The following EEFSEC variants were observed in gnomAD, a reference collection of about 807,000 sequenced individuals.
EEFSEC encodes eukaryotic elongation factor, selenocysteine-tRNA specific.
In EEFSEC, 43 loss-of-function variants were observed where a neutral mutation model predicts 42.1. The ratio of observed to expected loss-of-function variants is 1.02; its 90% confidence interval spans 0.80 to 1.32. The LOEUF (loss-of-function observed/expected upper bound fraction) is 1.32. Ranked by LOEUF, EEFSEC falls within the 40% of genes most tolerant of loss-of-function variation. The pLI is 0.00. For missense variants in EEFSEC, 745 were observed against 803.6 expected, an observed-to-expected ratio of 0.93 and a Z score of 0.88; for synonymous variants, 354 against 339.1, an observed-to-expected ratio of 1.04 and a Z score of -0.48.
chr3:128,307,895 G>A (rs904212372), intron 4 of EEFSEC, among the ~76,000 whole-genome samples: 25 of 152,276 alleles, frequency 1.6e-4, no homozygotes, highest in African/African-American at 2.9e-4. Flanking sequence ...TTGATTGTGC[G>A]CTCTCCCTGT....
chr3:128,236,936 C>G (rs2066018429), intron 1 of EEFSEC, among the ~76,000 whole-genome samples: 1 of 152,246 alleles, frequency 6.6e-6, no homozygotes, highest in Non-Finnish European at 1.5e-5. Context: ...TTGCTCTACC[C>G]TACTGGACTG....
At chr3:128,169,315 G>A (rs1245595465) in intron 1 of EEFSEC, among the ~76,000 whole-genome samples, 1 of 152,198 alleles carries the variant, frequency 6.6e-6, no homozygotes, top group Non-Finnish European at 1.5e-5. Context: ...CATCTCCTGG[G>A]GCTAGCTACG....
chr3:128,381,919 C>A (rs1276334107), intron 6 of EEFSEC, among the ~76,000 whole-genome samples: 2 of 152,164 alleles, frequency 1.3e-5, no homozygotes, highest in Non-Finnish European at 2.9e-5. Flanking sequence ...GTGGCTGGGG[C>A]AGCAGGGAGC....
At chr3:128,225,985 A>C (rs766312921) in intron 1 of EEFSEC, among the ~76,000 whole-genome samples, 3 of 152,120 alleles carry the variant, frequency 2.0e-5, no homozygotes, top group Non-Finnish European at 4.4e-5. Flanking sequence ...AGTTGAAGAG[A>C]CTCAGTTCAT....
intron 2 of EEFSEC, among the ~76,000 whole-genome samples, chr3:128,260,612 G>A (rs1360451963): frequency 6.6e-6 from 1 of 152,188 alleles, no homozygotes; most frequent in African/African-American, 2.4e-5. Context: ...TGGAAGAAGG[G>A]CTTTGAAGGA....
intron 1 of EEFSEC, among the ~76,000 whole-genome samples, chr3:128,185,518 A>G (rs2065456864): frequency 6.6e-6 from 1 of 151,862 alleles, no homozygotes; most frequent in African/African-American, 2.4e-5. Context: ...AAATGGAATT[A>G]TATATACTTT....
chr3:128,236,004 G>A (rs181070526), intron 1 of EEFSEC, among the ~76,000 whole-genome samples: 4 of 151,950 alleles, frequency 2.6e-5, no homozygotes, highest in East Asian at 1.9e-4. Flanking sequence ...TCACTTTTTC[G>A]CCCAGGCTGG....
At position 128,408,604 on chromosome 3, in the gene EEFSEC, TTGA is replaced by T; in HGVS notation, c.*348_*350del. ...AACCCTCCCCCAGGTGGGCAGGCAC[TTGA>T]TGGCTACAAATAAATGTCCCGTGGC... On this transcript the variant is annotated 3_prime_UTR_variant, in exon 7 of 7. Coordinates refer to ENST00000254730, the MANE Select transcript of EEFSEC (RefSeq NM_021937.5). The T allele has an allele frequency of 4.3e-6, 1 of 232,984 alleles. No homozygotes were observed. The highest frequency in any genetic ancestry group is 8.3e-6 in the Non-Finnish European group (1 of 120,354). The allele number at this position is 232,984 out of a possible 1,614,324, so 14.4% of individuals were successfully genotyped here.
At chr3:128,328,077 A>G (rs1409021998) in intron 4 of EEFSEC, among the ~76,000 whole-genome samples, 1 of 152,158 alleles carries the variant, frequency 6.6e-6, no homozygotes, top group African/African-American at 2.4e-5. Context: ...GCCTCCTTCA[A>G]TTTTCACAGA....
intron 6 of EEFSEC, among the ~76,000 whole-genome samples, chr3:128,398,874 G>A (rs1348130414): frequency 6.6e-6 from 1 of 152,164 alleles, no homozygotes; most frequent in Non-Finnish European, 1.5e-5. Flanking sequence ...CAGAGGGGTA[G>A]GCTGAGACTC....
chr3:128,296,676 A>G (rs1267475440), intron 4 of EEFSEC, among the ~76,000 whole-genome samples: 1 of 151,992 alleles, frequency 6.6e-6, no homozygotes, highest in Admixed American at 6.6e-5. Context: ...CGCTACACAC[A>G]TATGCCCCTC....
intron 6 of EEFSEC, among the ~76,000 whole-genome samples, chr3:128,400,110 G>A (rs974828563): frequency 6.6e-6 from 1 of 152,142 alleles, no homozygotes; most frequent in Non-Finnish European, 1.5e-5. Context: ...CCTGGCCTTG[G>A]GGGCAGCTCC....
At chr3:128,333,644 A>G (rs1038076395) in intron 4 of EEFSEC, among the ~76,000 whole-genome samples, 1 of 152,224 alleles carries the variant, frequency 6.6e-6, no homozygotes, top group African/African-American at 2.4e-5. Flanking sequence ...TCCATCTTCC[A>G]TATCGGCCCT....
At chr3:128,224,554 C>G (rs1050775430) in intron 1 of EEFSEC, among the ~76,000 whole-genome samples, 9 of 152,128 alleles carry the variant, frequency 5.9e-5, no homozygotes, top group Admixed American at 2.0e-4. Context: ...ATTCATGTAC[C>G]CATCAGGCAG....
chr3:128,407,910 C>G (rs1030781090), intron 6 of EEFSEC, among the ~76,000 whole-genome samples, 159 bp from the exon 7 acceptor site: 1 of 152,120 alleles, frequency 6.6e-6, no homozygotes, highest in Non-Finnish European at 1.5e-5. Flanking sequence ...AGATGGGTGC[C>G]GGAGGGACCA....
chr3:128,182,627 G>C (rs566025429), intron 1 of EEFSEC, among the ~76,000 whole-genome samples: 2 of 152,078 alleles, frequency 1.3e-5, no homozygotes, highest in Non-Finnish European at 2.9e-5. Context: ...GTGCTATCTC[G>C]AACAGTAGTG....
intron 1 of EEFSEC, among the ~76,000 whole-genome samples, chr3:128,236,426 G>C (rs2066011527): frequency 6.6e-6 from 1 of 152,200 alleles, no homozygotes; most frequent in Non-Finnish European, 1.5e-5. Context: ...CGGGGGGCGG[G>C]GGTGGCGGTG....
At chr3:128,278,114 T>C (rs1478456980) in intron 4 of EEFSEC, among the ~76,000 whole-genome samples, 2 of 152,144 alleles carry the variant, frequency 1.3e-5, no homozygotes, top group African/African-American at 4.8e-5. Context: ...GGGTGGGTGA[T>C]GTAGTGTGTG....
intron 1 of EEFSEC, among the ~76,000 whole-genome samples, chr3:128,155,435 T>G (rs557381784): frequency 6.6e-6 from 1 of 152,338 alleles, no homozygotes; most frequent in South Asian, 2.1e-4. Flanking sequence ...TATACCTTTG[T>G]GGATTACTTT....
Sources: gnomAD v4.1 joint callset for allele counts (sites outside exome capture counted in the v4.1 genomes callset) on GRCh38, gnomAD v4.1.1 for gene constraint, MANE v1.5 for transcripts, NCBI Gene and HGNC (gene_info 2026-07-23, HGNC 2026-07-21) for gene names.